Variants in TNN observed in about 807,000 individuals in gnomAD.
The protein encoded by TNN is tenascin N.
Under a neutral mutation model 134.4 loss-of-function variants are expected in TNN, and 122 were observed. The ratio of observed to expected loss-of-function variants is 0.91; its 90% confidence interval spans 0.78 to 1.06. The LOEUF is 1.06. Ranked by LOEUF, TNN falls within the 50% of genes least tolerant of loss-of-function variation. The probability of loss-of-function intolerance (pLI) is 0.00; values close to 1 mark genes in which losing one functional copy is unlikely to be tolerated. For missense variants in TNN, 1,739 were observed against 1,699.4 expected (o/e 1.02, Z -0.41); for synonymous variants, 710 against 670.3 (o/e 1.06, Z -0.91).
chr1:175,126,873 G>GA, intron 12 of TNN, 82 bp from the exon 13 acceptor site: 1 of 1,477,180 alleles, frequency 6.8e-7, no homozygotes, highest in Non-Finnish European at 9.1e-7. Context: ...TTGAAAAGGG[G>GA]AAAATATAAA....
In TNN at chr1:175,136,850, G is replaced by C; in HGVS notation, c.3457G>C (p.Gly1153Arg). 3.7e-6 allele frequency: 6 copies of C among 1,613,828 alleles called. No homozygotes were observed. The highest frequency in any genetic ancestry group is 5.1e-6 in the Non-Finnish European group (6 of 1,179,886). ...TGACAAGCTACACAACCTCACCACC[G>C]GCACTCCAGCGCGGTATGAGGTGAG... ...GLDKLHNLTT[G>R]TPARYEVRVD... Residue 1153 changes from glycine to arginine, a missense_variant, in exon 17 of 19, where the codon GGC becomes CGC. Physicochemically the swap from Gly to Arg is moderately radical, Grantham distance 125. Coordinates refer to ENST00000239462, the MANE Select transcript of TNN (RefSeq NM_022093.2).
intron 6 of TNN, among the ~76,000 whole-genome samples, chr1:175,086,779 A>C (rs1409745281): frequency 2.6e-5 from 4 of 152,248 alleles, no homozygotes; most frequent in African/African-American, 7.2e-5. Flanking sequence ...TAGACTGTAC[A>C]GTCTGCCTGA....
In TNN at chr1:175,079,522, C is replaced by T. The variant is rs775730066; in HGVS notation, c.599C>T (p.Pro200Leu). The stretch of plus-strand genomic sequence containing the variant: ...TACGTGGGTGCCGACTGCGGCTACC[C>T]GGCCTGCCCTGAGAACTGCAGCGGA... Reference protein sequence around the residue: ...EPYVGADCGYPACPENCSGHG... With the variant: ...EPYVGADCGYLACPENCSGHG... The change falls in exon 3 of 19, where the codon CCG becomes CTG. Residue 200 changes from proline (P) to leucine (L), a missense_variant. Physicochemically the swap from Pro to Leu is moderately conservative, Grantham distance 98. Coordinates refer to ENST00000239462, the MANE Select transcript of TNN (RefSeq NM_022093.2). 3.2e-6 allele frequency: 5 copies of T among 1,563,248 alleles called. No individual in the cohort carries two copies. Among genetic ancestry groups the T allele is most frequent in the South Asian group, 1.2e-5 (1 of 85,796 alleles).
intron 9 of TNN, among the ~76,000 whole-genome samples, chr1:175,109,355 T>G (rs1015769378): frequency 6.6e-6 from 1 of 151,676 alleles, no homozygotes; most frequent in Non-Finnish European, 1.5e-5. Context: ...CCCAAAGTGC[T>G]GGGATTACAG....
In TNN at chr1:175,147,483, C is replaced by T. The variant is rs951468868; in HGVS notation, c.*412C>T. The T allele has an allele frequency of 6.4e-6, 1 of 155,462 alleles. No individual in the cohort carries two copies. Among genetic ancestry groups the T allele is most frequent in the Admixed American group, 6.5e-5 (1 of 15,370 alleles). 9.6% of individuals were successfully genotyped at this position (155,462 alleles called of 1,614,324 possible). A position where few individuals can be genotyped will look rare whatever the true frequency, so the allele number is the denominator to read the frequency against. On this transcript the variant is annotated 3_prime_UTR_variant, in exon 19 of 19. Transcript: ENST00000239462. ...AGCACAGAGGAGGAGTTCTGATGAC[C>T]CAGGGGTTAGGGCTGAGACAACCGG...
At chr1:175,092,058 G>T (rs1417538834) in intron 6 of TNN, among the ~76,000 whole-genome samples, 1 of 152,212 alleles carries the variant, frequency 6.6e-6, no homozygotes, top group East Asian at 1.9e-4. Context: ...TTGAGAAGGT[G>T]AGGGCCATGA....
chr1:175,108,827 G>C (rs12408316), intron 9 of TNN, among the ~76,000 whole-genome samples: 1 of 137,606 alleles, frequency 7.3e-6, no homozygotes, highest in Non-Finnish European at 1.6e-5. Context: ...CCTGGTTCCC[G>C]CTCACGCCTC....
At chr1:175,110,547 G>A (rs777190131) in intron 9 of TNN, among the ~76,000 whole-genome samples, 18 of 152,124 alleles carry the variant, frequency 1.2e-4, no homozygotes, top group Admixed American at 4.6e-4. Context: ...TTTTGAATAC[G>A]GTGAGAAATA....
chr1:175,106,041 T>C (rs1274392224), intron 9 of TNN, among the ~76,000 whole-genome samples: 1 of 145,136 alleles, frequency 6.9e-6, no homozygotes, highest in African/African-American at 2.5e-5. Context: ...CCGAGGAAGG[T>C]CGGATTTAGT....
At chr1:175,084,568 A>G (rs184878713) in intron 5 of TNN, among the ~76,000 whole-genome samples, 25 of 152,306 alleles carry the variant, frequency 1.6e-4, no homozygotes, top group East Asian at 9.7e-4. Flanking sequence ...TGAATACCCA[A>G]TCAGGTACAA....
chr1:175,095,012 G>A (rs1674538489), intron 7 of TNN, among the ~76,000 whole-genome samples: 2 of 152,236 alleles, frequency 1.3e-5, no homozygotes, highest in African/African-American at 2.4e-5. Flanking sequence ...AAAATTGACT[G>A]TCCAGGTTTT....
intron 11 of TNN, among the ~76,000 whole-genome samples, chr1:175,121,366 G>A (rs1675371630): frequency 6.6e-6 from 1 of 152,224 alleles, no homozygotes; most frequent in South Asian, 2.1e-4. Flanking sequence ...ATGAAAAGAG[G>A]CCAGTTTTGC....
At chr1:175,083,962 T>C (rs11577778) in intron 5 of TNN, 27 bp downstream of exon 5, 278,510 of 1,608,892 alleles carry the variant, frequency 0.17, 24,974 homozygotes, top group Non-Finnish European at 0.19. Flanking sequence ...GAATGTGAGA[T>C]GTATGCTGTG....
At chr1:175,122,257 A>G (rs1272225102) in intron 11 of TNN, among the ~76,000 whole-genome samples, 1 of 151,414 alleles carries the variant, frequency 6.6e-6, no homozygotes. Flanking sequence ...GTGTGGTGGC[A>G]TGCACCTGTA....
At position 175,135,831 on chromosome 1, in the gene TNN, A is replaced by G. The variant is rs371692044; in HGVS notation, c.3331-14A>G. The G allele has an allele frequency of 1.5e-5, 24 of 1,604,826 alleles. No individual in the cohort carries two copies. Among genetic ancestry groups the G allele is most frequent in the South Asian group, 1.4e-4 (13 of 90,862 alleles). ...TTTGGAGGGTCAGAGTGAAGTATTCATCTTCCTTCTCAGGTCTTCCAGAGG... is the reference window on the plus strand; with the variant it reads ...TTTGGAGGGTCAGAGTGAAGTATTCGTCTTCCTTCTCAGGTCTTCCAGAGG... On this transcript the variant is annotated splice_polypyrimidine_tract_variant and intron_variant, in intron 15 of 18. Transcript: ENST00000239462.
intron 1 of TNN, among the ~76,000 whole-genome samples, chr1:175,072,161 G>T (rs975218995): frequency 6.6e-6 from 1 of 152,184 alleles, no homozygotes; most frequent in African/African-American, 2.4e-5. Context: ...GCAGCCCATG[G>T]TCAGTCGTGT....
At chr1:175,145,139 C>T (rs1281869192) in intron 18 of TNN, among the ~76,000 whole-genome samples, 2 of 152,188 alleles carry the variant, frequency 1.3e-5, no homozygotes, top group Non-Finnish European at 2.9e-5. Context: ...GCCCCCTCTA[C>T]ATACCATCAT....
chr1:175,106,894 C>A (rs971613455), intron 9 of TNN, among the ~76,000 whole-genome samples: 1 of 145,994 alleles, frequency 6.8e-6, no homozygotes, highest in African/African-American at 2.5e-5. Context: ...AAGCTTGACA[C>A]CCGTGTCTTT....
At chr1:175,126,756 T>C (rs974057631) in intron 12 of TNN, among the ~76,000 whole-genome samples, 199 bp from the exon 13 acceptor site, 8 of 152,158 alleles carry the variant, frequency 5.3e-5, no homozygotes, top group Admixed American at 4.6e-4. Flanking sequence ...CTGTTCTTCT[T>C]GTCTCTAATG....
Sources: allele counts gnomAD v4.1 joint callset (sites outside exome capture counted in the v4.1 genomes callset), GRCh38; gene constraint gnomAD v4.1.1; transcripts MANE v1.5; gene names NCBI Gene and HGNC (gene_info 2026-07-23, HGNC 2026-07-21).